Variants in ALPK3 observed in about 807,000 individuals in gnomAD.
The protein encoded by ALPK3 is alpha kinase 3, also known as alpha-protein kinase 3.
In ALPK3, 102 loss-of-function variants were observed where a neutral mutation model predicts 140.0. The ratio of observed to expected loss-of-function variants is 0.73; its 90% CI spans 0.62 to 0.86. The LOEUF is 0.86. Ranked by LOEUF, ALPK3 falls within the 40% of genes least tolerant of loss-of-function variation. The probability of loss-of-function intolerance (pLI) is 0.00; values close to 1 mark genes in which losing one functional copy is unlikely to be tolerated. For synonymous variants in ALPK3, 938 were observed against 898.5 expected (o/e 1.04, Z -0.79); for missense variants, 2,254 against 2,208.2 (o/e 1.02, Z -0.42).
intron 5 of ALPK3, among the ~76,000 whole-genome samples, chr15:84,841,836 G>A (rs1022357027): frequency 9.2e-5 from 14 of 152,146 alleles, no homozygotes; most frequent in Non-Finnish European, 1.5e-5. Flanking sequence ...ATTTCACAGT[G>A]GTTTTGGGAG....
At chr15:84,851,816 A>G (rs1963805757) in intron 5 of ALPK3, among the ~76,000 whole-genome samples, 1 of 152,198 alleles carries the variant, frequency 6.6e-6, no homozygotes, top group Non-Finnish European at 1.5e-5. Context: ...GTGCTGCAGT[A>G]TATATCCTTG....
chr15:84,855,172 C>G (rs1193869556), intron 5 of ALPK3, among the ~76,000 whole-genome samples: 1 of 152,220 alleles, frequency 6.6e-6, no homozygotes, highest in Non-Finnish European at 1.5e-5. Flanking sequence ...CCAGTTTCCA[C>G]CCAGGCCTCC....
chr15:84,852,530 C>T (rs1018497047), intron 5 of ALPK3: 3 of 293,692 alleles, frequency 1.0e-5, no homozygotes, highest in South Asian at 3.5e-5. Flanking sequence ...ATACCACCAT[C>T]GAGTGCCATG....
chr15:84,837,255 G>C (rs1218557497), intron 3 of ALPK3, among the ~76,000 whole-genome samples: 2 of 152,350 alleles, frequency 1.3e-5, no homozygotes, highest in East Asian at 1.9e-4. Flanking sequence ...AGTAGAGCAG[G>C]CTTGTACGCT....
chr15:84,817,499 G>T lies in ALPK3; in HGVS notation c.47G>T (p.Arg16Leu), dbSNP rs1254872638. ...APSRGWGAGG[R>L]SGAGGDGEDD... ...AGCCGGGGCTGGGGCGCGGGTGGGC[G>T]GTCGGGGGCGGGGGGCGACGGTGAG... is the stretch of plus-strand genomic sequence containing the variant. Residue 16 changes from arginine to leucine, a missense_variant, in exon 1 of 14, where the codon CGG becomes CTG. This residue lies in a region of ALPK3 where 2,088 missense variants were observed against 2,022.9 expected (regional missense o/e 1.03). Coordinates refer to ENST00000258888, the MANE Select transcript of ALPK3 (RefSeq NM_020778.5). 2 of 1,452,208 alleles carry T rather than the reference G, an allele frequency of 1.4e-6. No individual in the cohort carries two copies. The highest frequency in any genetic ancestry group is 1.8e-6 in the Non-Finnish European group (2 of 1,109,382). The allele number at this position is 1,452,208 out of a possible 1,614,324, so 90.0% of individuals were successfully genotyped here.
chr15:84,827,443 G>A, intron 2 of ALPK3, 41 bp from the exon 3 acceptor site: 7 of 1,612,154 alleles, frequency 4.3e-6, no homozygotes, highest in Non-Finnish European at 5.9e-6. Context: ...GCTGTTTGTT[G>A]TGGGGAAGGC....
intron 5 of ALPK3, among the ~76,000 whole-genome samples, chr15:84,850,939 A>G (rs1452323656): frequency 1.3e-5 from 2 of 151,274 alleles, no homozygotes; most frequent in African/African-American, 4.9e-5. Flanking sequence ...GTTTAGTTAG[A>G]GGGGTCAGCC....
Position 84,840,177 on chromosome 15 carries a change from A to T in ALPK3, c.898A>T (p.Met300Leu). 2 of 1,613,898 alleles carry T rather than the reference A, an allele frequency of 1.2e-6. No homozygotes were observed. The highest frequency in any genetic ancestry group is 1.7e-6 in the Non-Finnish European group (2 of 1,179,952). Reference sequence around the variant, plus strand: ...CTTGCTGACATACATCTGTGACGCCATGGAGCTGGGGCCTCAGAGAGCCCT... The same window carrying T: ...CTTGCTGACATACATCTGTGACGCCTTGGAGCTGGGGCCTCAGAGAGCCCT... ...HGLLTYICDA[M>L]ELGPQRALKE... The change falls in exon 5 of 14, where the codon ATG becomes TTG. Residue 300 changes from methionine (M) to leucine (L), a missense_variant. Met to Leu is a conservative substitution (Grantham distance 15). Coordinates refer to ENST00000258888, the MANE Select transcript of ALPK3 (RefSeq NM_020778.5).
At chr15:84,817,966 G>A (rs1039662376) in intron 1 of ALPK3, among the ~76,000 whole-genome samples, 2 of 152,196 alleles carry the variant, frequency 1.3e-5, no homozygotes, top group Non-Finnish European at 1.5e-5. Context: ...TTCCTCCCTG[G>A]CAGGAAGGGA....
Position 84,857,794 on chromosome 15 carries a change from A to C in ALPK3, c.3056A>C (p.Glu1019Ala). 1.2e-6 allele frequency: 2 copies of C among 1,611,802 alleles called. No homozygotes were observed. Among genetic ancestry groups the C allele is most frequent in the Non-Finnish European group, 1.7e-6 (2 of 1,178,488 alleles). Residue 1019 changes from glutamate (E) to alanine (A), a missense_variant, in exon 6 of 14, where the codon GAG becomes GCG. By Grantham distance (107) the Glu-to-Ala change is moderately radical. Around this residue, in one of 3 missense-constraint regions of ALPK3, gnomAD observed 2,088 missense variants for 2,022.9 expected, o/e 1.03. Coordinates refer to ENST00000258888, the MANE Select transcript of ALPK3 (RefSeq NM_020778.5). ...TCGAGGCGCATCCTGGAGCGTGTGG[A>C]GAACAACCACCTGGTGCAGAGTGCA... is the stretch of plus-strand genomic sequence containing the variant. ...RTSRRILERV[E>A]NNHLVQSAQT...
At chr15:84,833,380 A>C (rs967735263) in intron 3 of ALPK3, among the ~76,000 whole-genome samples, 1 of 152,156 alleles carries the variant, frequency 6.6e-6, no homozygotes, top group African/African-American at 2.4e-5. Context: ...CTAATTAGCA[A>C]GGAGAAAATG....
chr15:84,821,639 G>T (rs1368079690), intron 1 of ALPK3, among the ~76,000 whole-genome samples: 1 of 152,016 alleles, frequency 6.6e-6, no homozygotes, highest in African/African-American at 2.4e-5. Context: ...CTCGGGGGCA[G>T]CACCCTTCCT....
intron 5 of ALPK3, among the ~76,000 whole-genome samples, chr15:84,841,214 T>C (rs1289185112): frequency 6.6e-6 from 1 of 152,088 alleles, no homozygotes; most frequent in Non-Finnish European, 1.5e-5. Flanking sequence ...AAGAAGATAA[T>C]GTTCTCTGGG....
intron 11 of ALPK3, 105 bp downstream of exon 11, chr15:84,863,745 A>C: frequency 9.2e-7 from 1 of 1,082,554 alleles, no homozygotes; most frequent in Non-Finnish European, 1.3e-6. Flanking sequence ...CGTTATGCCC[A>C]TGTGCAAATA....
In ALPK3 at chr15:84,838,927, C is replaced by T. The variant is rs1312301116; in HGVS notation, c.305-53C>T. Reference sequence around the variant, plus strand: ...GTGAGCCACCGTGCCCGGCCTCTTCCCATTATTTTGGAACTGGCCTTGCTG... The same window carrying T: ...GTGAGCCACCGTGCCCGGCCTCTTCTCATTATTTTGGAACTGGCCTTGCTG... On this transcript the variant is annotated intron_variant, in intron 3 of 13. Coordinates refer to ENST00000258888, the MANE Select transcript of ALPK3 (RefSeq NM_020778.5). 3.9e-6 allele frequency: 6 copies of T among 1,534,364 alleles called. No homozygotes were observed. The African/African-American group carries it at 8.2e-5, about 21-fold the overall frequency.
chr15:84,856,846 G>A lies in ALPK3; in HGVS notation c.2108G>A (p.Gly703Glu). The A allele has an allele frequency of 6.2e-7, 1 of 1,614,010 alleles. No individual in the cohort carries two copies. The highest frequency in any genetic ancestry group is 2.2e-5 in the East Asian group (1 of 44,864). Residue 703 changes from glycine to glutamate, a missense_variant, in exon 6 of 14, where the codon GGG becomes GAG. Gly to Glu is a moderately conservative substitution (Grantham distance 98). Around this residue, in one of 3 missense-constraint regions of ALPK3, gnomAD observed 2,088 missense variants for 2,022.9 expected, o/e 1.03. Transcript: ENST00000258888. ...GACAGAAGGATGCAGGGAGAGAAGG[G>A]GATGCAGGGAGAGAAGGGGACGCAG... The part of the protein sequence containing the change: ...QEDRRMQGEK[G>E]MQGEKGTQSE...
At position 84,856,601 on chromosome 15, in the gene ALPK3, G is replaced by T. The variant is rs753659354; in HGVS notation, c.1863G>T (p.Arg621Ser). 1.9e-6 allele frequency: 3 copies of T among 1,614,174 alleles called. No homozygotes were observed. The highest frequency in any genetic ancestry group is 2.5e-6 in the Non-Finnish European group (3 of 1,180,036). ...ATGGGAAGATACAAGTGGATGGAAG[G>T]ACCAGGGGAGATGGAACACAGACAG... Reference protein sequence around the residue: ...QADGKIQVDGRTRGDGTQTAQ... With the variant: ...QADGKIQVDGSTRGDGTQTAQ... Residue 621 changes from arginine (R) to serine (S), a missense_variant, in exon 6 of 14, where the codon AGG becomes AGT. Around this residue, in one of 3 missense-constraint regions of ALPK3, gnomAD observed 2,088 missense variants for 2,022.9 expected, o/e 1.03. Coordinates refer to ENST00000258888, the MANE Select transcript of ALPK3 (RefSeq NM_020778.5).
At chr15:84,846,120 G>A (rs1007768411) in intron 5 of ALPK3, among the ~76,000 whole-genome samples, 2 of 152,104 alleles carry the variant, frequency 1.3e-5, no homozygotes, top group African/African-American at 4.8e-5. Context: ...GAAATGCTTG[G>A]AAAATGGAAC....
rs1421827627 is a variant in ALPK3, at chr15:84,856,636, C to T, written c.1898C>T (p.Thr633Ile). ...GATGGAACACAGACAGCCCAGAGGACACGTGCAGATAGGAAGACGCAGGTG... is the reference window on the plus strand; with the variant it reads ...GATGGAACACAGACAGCCCAGAGGATACGTGCAGATAGGAAGACGCAGGTG... ...RGDGTQTAQR[T>I]RADRKTQVDA... is the part of the protein sequence containing the mutation. The change falls in exon 6 of 14, where the codon ACA (threonine) becomes ATA (isoleucine). Residue 633 changes from threonine (T) to isoleucine (I), a missense_variant. Thr to Ile is a moderately conservative substitution (Grantham distance 89). This residue lies in a region of ALPK3 where 2,088 missense variants were observed against 2,022.9 expected (regional missense o/e 1.03). Coordinates refer to ENST00000258888, the MANE Select transcript of ALPK3 (RefSeq NM_020778.5). 1 of 1,614,042 alleles carries T rather than the reference C, an allele frequency of 6.2e-7. No homozygotes were observed. The highest frequency in any genetic ancestry group is 8.5e-7 in the Non-Finnish European group (1 of 1,180,012).
Sources: allele counts gnomAD v4.1 joint callset (sites outside exome capture counted in the v4.1 genomes callset), GRCh38; gene constraint gnomAD v4.1.1; regional missense constraint gnomAD v4.1.1; transcripts MANE v1.5; gene names NCBI Gene and HGNC (gene_info 2026-07-23, HGNC 2026-07-21).